Variants in PAN3 observed in about 807,000 individuals in gnomAD.
PAN3 encodes poly(A) specific ribonuclease subunit PAN3, also known as PAN2-PAN3 deadenylation complex subunit PAN3.
A neutral mutation model predicts 96.2 loss-of-function variants in PAN3; 19 were observed. The observed-to-expected ratio is 0.20, with a 90% CI of 0.14 to 0.29. The LOEUF (loss-of-function observed/expected upper bound fraction) is 0.29. Among genes scored for constraint, PAN3 ranks in the 10% least tolerant of loss-of-function variants. PAN3 has a pLI of 1.00. For synonymous variants in PAN3, 433 were observed against 406.6 expected (o/e 1.06, Z -0.78); for missense variants, 882 against 1,108.1 (o/e 0.80, Z 2.90).
chr13:28,278,703 A>G (rs1486173404), intron 15 of PAN3, among the ~76,000 whole-genome samples: 1 of 152,038 alleles, frequency 6.6e-6, no homozygotes, highest in African/African-American at 2.4e-5. Flanking sequence ...TCTCCCAATA[A>G]CTCTATAAAT....
intron 4 of PAN3, among the ~76,000 whole-genome samples, chr13:28,190,550 G>T (rs1380508468): frequency 1.3e-5 from 2 of 152,136 alleles, no homozygotes; most frequent in Non-Finnish European, 2.9e-5. Context: ...GTGAGCTGCT[G>T]TGCCTGGCCT....
At chr13:28,184,053 T>G (rs549160148) in intron 4 of PAN3, among the ~76,000 whole-genome samples, 1 of 152,298 alleles carries the variant, frequency 6.6e-6, no homozygotes, top group East Asian at 1.9e-4. Flanking sequence ...TACCTTTTCT[T>G]TGAGATGTTC....
At chr13:28,208,311 T>TTGTG (rs1566188001) in intron 5 of PAN3, among the ~76,000 whole-genome samples, 1 of 152,166 alleles carries the variant, frequency 6.6e-6, no homozygotes, top group African/African-American at 2.4e-5. Context: ...CTTTGGAATG[T>TTGTG]TGTGATAGTC....
In PAN3 at chr13:28,257,769, A is replaced by G. The variant is rs192275212; in HGVS notation, c.1248+1230A>G. 5.8e-4 allele frequency among the ~76,000 whole-genome samples: 81 copies of G among 139,104 alleles called. No individual in the cohort carries two copies. The East Asian group carries it at 0.013, about 22-fold the overall frequency. The allele number at this position is 139,104 out of a possible 152,430, so 91.3% of individuals were successfully genotyped here. The stretch of plus-strand genomic sequence containing the variant: ...TATAATATATAATTAATTATATATT[A>G]TATATAAATTATATATAATATATAA... On this transcript the variant is annotated intron_variant, in intron 7 of 18. Coordinates refer to ENST00000380958, the MANE Select transcript of PAN3 (RefSeq NM_175854.8).
rs545328460 is a variant in PAN3 at position 28,281,279 on chromosome 13, A to C, written c.2320-36A>C. ...TGGCTTTTATGTTCAGTTATCTGGA[A>C]CATTAACATTTTTCTCTTTTTAAAA... On this transcript the variant is annotated intron_variant, in intron 16 of 18. Coordinates refer to ENST00000380958, the MANE Select transcript of PAN3 (RefSeq NM_175854.8). 7.1e-6 allele frequency: 11 copies of C among 1,557,780 alleles called. No individual in the cohort carries two copies. In the East Asian group the frequency reaches 2.2e-4, roughly 32 times the overall value.
intron 1 of PAN3, among the ~76,000 whole-genome samples, chr13:28,164,772 G>C (rs1295332055): frequency 1.3e-5 from 2 of 152,206 alleles, no homozygotes; most frequent in Non-Finnish European, 2.9e-5. Flanking sequence ...TGTTTTTGGA[G>C]AATTAGACTC....
rs1870068359 is a variant in PAN3 at position 28,293,981 on chromosome 13, TA to T, written c.*1461del. ...CTGATGTTACTGTCTTCAATTTTAATAATTACACATATTTGTATATTTCAGA... is the reference window on the plus strand; with the variant it reads ...CTGATGTTACTGTCTTCAATTTTAATATTACACATATTTGTATATTTCAGA... On this transcript the variant is annotated 3_prime_UTR_variant, in exon 19 of 19. Transcript: ENST00000380958. 6.5e-6 allele frequency: 1 copy of T among 152,696 alleles called. No homozygotes were observed. The highest frequency in any genetic ancestry group is 1.5e-5 in the Non-Finnish European group (1 of 68,050). The allele number at this position is 152,696 out of a possible 1,614,324, so 9.5% of individuals were successfully genotyped here.
At chr13:28,213,946 A>G (rs1458122111) in intron 5 of PAN3, among the ~76,000 whole-genome samples, 1 of 152,210 alleles carries the variant, frequency 6.6e-6, no homozygotes. Context: ...TCCTGAGTAC[A>G]TAGAGCAACT....
chr13:28,165,885 A>G (rs1421204105), intron 1 of PAN3, among the ~76,000 whole-genome samples: 3 of 151,896 alleles, frequency 2.0e-5, no homozygotes, highest in Non-Finnish European at 4.4e-5. Flanking sequence ...TGCTAATTCC[A>G]TTAGCATCAT....
At chr13:28,279,739 A>G (rs564929129) in intron 15 of PAN3, among the ~76,000 whole-genome samples, 5 of 151,772 alleles carry the variant, frequency 3.3e-5, no homozygotes, top group African/African-American at 9.7e-5. Context: ...CAGCCTGGCA[A>G]TAGAACGAGA....
intron 6 of PAN3, among the ~76,000 whole-genome samples, chr13:28,255,441 C>CT (rs1392892021): frequency 3.3e-5 from 5 of 151,944 alleles, no homozygotes; most frequent in Non-Finnish European, 7.4e-5. Flanking sequence ...GTGACCTGGT[C>CT]TTTTTTTCTC....
chr13:28,165,321 AT>A (rs1873400922), intron 1 of PAN3, among the ~76,000 whole-genome samples: 1 of 108,966 alleles, frequency 9.2e-6, no homozygotes, highest in South Asian at 2.8e-4. Flanking sequence ...GGGTCTTGCT[AT>A]GTTGCTCAGG....
chr13:28,217,490 G>A (rs781209284), intron 5 of PAN3, among the ~76,000 whole-genome samples: 13 of 151,866 alleles, frequency 8.6e-5, no homozygotes, highest in African/African-American at 3.1e-4. Flanking sequence ...ACTGAGGCAG[G>A]ACAATCACTT....
intron 1 of PAN3, 67 bp from the exon 2 acceptor site, chr13:28,174,205 C>T: frequency 6.7e-7 from 1 of 1,487,976 alleles, no homozygotes; most frequent in Non-Finnish European, 9.2e-7. Flanking sequence ...TTTAGGAACA[C>T]AGAAGTGAAA....
chr13:28,237,530 G>T (rs1883226515), intron 6 of PAN3, among the ~76,000 whole-genome samples: 2 of 152,160 alleles, frequency 1.3e-5, no homozygotes, highest in Non-Finnish European at 2.9e-5. Flanking sequence ...CTCTTGTGAA[G>T]TCCTGTGTGA....
chr13:28,288,933 TCTC>T (rs1869341095), intron 18 of PAN3, among the ~76,000 whole-genome samples: 1 of 149,510 alleles, frequency 6.7e-6, no homozygotes, highest in African/African-American at 2.5e-5. Flanking sequence ...TTCACGCCAT[TCTC>T]CTGCCTCAGC....
chr13:28,248,456 T>C (rs893329158), intron 6 of PAN3, among the ~76,000 whole-genome samples: 5 of 152,186 alleles, frequency 3.3e-5, no homozygotes, highest in African/African-American at 1.2e-4. Flanking sequence ...CTTCCAGTAC[T>C]ATATTGAATA....
At chr13:28,181,480 G>A (rs1054465087) in intron 4 of PAN3, among the ~76,000 whole-genome samples, 2 of 136,554 alleles carry the variant, frequency 1.5e-5, no homozygotes, top group African/African-American at 5.5e-5. Context: ...CTAATGCACT[G>A]TGTGACAGAG....
intron 5 of PAN3, chr13:28,215,493 C>G (rs1207882937): frequency 2.9e-6 from 2 of 679,920 alleles, no homozygotes; most frequent in Non-Finnish European, 5.4e-6. Context: ...TTGCTGTTGA[C>G]AGCAAAAATG....
Sources: gnomAD v4.1 joint callset for allele counts (sites outside exome capture counted in the v4.1 genomes callset) on GRCh38, gnomAD v4.1.1 for gene constraint, MANE v1.5 for transcripts, NCBI Gene and HGNC (gene_info 2026-07-23, HGNC 2026-07-21) for gene names.